Variants in SYCP3 observed in about 807,000 individuals in gnomAD.
SYCP3 encodes synaptonemal complex protein 3.
SYCP3 carries 29 observed loss-of-function variants against 38.5 expected under a neutral mutation model. The ratio of observed to expected loss-of-function variants is 0.75; its 90% CI spans 0.56 to 1.03. The LOEUF is 1.03. Among genes scored for constraint, SYCP3 ranks in the 50% least tolerant of loss-of-function variants. The probability of loss-of-function intolerance (pLI) is 0.00; values close to 1 mark genes in which losing one functional copy is unlikely to be tolerated. For synonymous variants in SYCP3, 79 were observed against 80.3 expected (o/e 0.98, Z 0.08); for missense variants, 242 against 270.7 (o/e 0.89, Z 0.74).
At position 101,733,568 on chromosome 12, in the gene SYCP3, T is replaced by C; in HGVS notation, c.453+7A>G. The stretch of plus-strand genomic sequence containing the variant: ...TGGTTGATTATAAACCTAATCATGA[T>C]ACCAACAAGTATTTTTTCTTCTTGT... On this transcript the variant is annotated splice_region_variant and intron_variant, in intron 6 of 8. Transcript: ENST00000392924. 1 of 1,609,670 alleles carries C rather than the reference T, an allele frequency of 6.2e-7. No individual in the cohort carries two copies. The highest frequency in any genetic ancestry group is 8.5e-7 in the Non-Finnish European group (1 of 1,177,794).
At chr12:101,733,007 C>T (rs1052545173) in intron 6 of SYCP3, 1 of 152,494 alleles carries the variant, frequency 6.6e-6, no homozygotes, top group Admixed American at 6.5e-5. Context: ...TGGTTGAATA[C>T]ACAGATGCGG....
At chr12:101,730,000 T>C (rs1952112797) in intron 7 of SYCP3, among the ~76,000 whole-genome samples, 1 of 152,102 alleles carries the variant, frequency 6.6e-6, no homozygotes, top group Non-Finnish European at 1.5e-5. Context: ...TGAACAAATG[T>C]AGTAAATGAA....
chr12:101,735,873 T>TATA (rs1490101889), intron 4 of SYCP3, among the ~76,000 whole-genome samples: 2 of 59,128 alleles, frequency 3.4e-5, no homozygotes, highest in African/African-American at 8.2e-5. Context: ...ATATATATAT[T>TATA]TTTTTTTTTT....
In SYCP3 at chr12:101,729,218, A is replaced by ATTT. The variant is rs1291569800; in HGVS notation, c.553-6_553-5insAAA. 5 of 1,612,498 alleles carry ATTT rather than the reference A, an allele frequency of 3.1e-6. No homozygotes were observed. The South Asian group carries it at 5.5e-5, about 18-fold the overall frequency. The stretch of plus-strand genomic sequence containing the variant: ...CTTCTCCAACTCTTCCATACTCTAA[A>ATTT]AACACAAAAGACAAGTTAAGTTACA... On this transcript the variant is annotated splice_polypyrimidine_tract_variant and splice_region_variant and intron_variant, in intron 7 of 8. Transcript: ENST00000392924.
In SYCP3 at chr12:101,735,053, A is replaced by G; in HGVS notation, c.236-9T>C. ...AGCCTTGTTAATGTCAACTAGATTG[A>G]AAATAAAAATTCATTAAAATTTAAT... is the stretch of plus-strand genomic sequence containing the variant. On this transcript the variant is annotated splice_polypyrimidine_tract_variant and intron_variant, in intron 4 of 8. Transcript: ENST00000392924. The G allele has an allele frequency of 1.3e-6, 2 of 1,542,648 alleles. No individual in the cohort carries two copies. The highest frequency in any genetic ancestry group is 1.1e-5 in the South Asian group (1 of 88,706).
rs1237691411 is a variant in SYCP3, at chr12:101,737,863, A to G, written c.73T>C (p.Tyr25His). The part of the protein sequence containing the change: ...PSVEDQFTRA[Y>H]DFETEDKKDL... ...TTCTTATCTTCAGTCTCAAAGTCAT[A>G]GGCTCTCGTAAACTGATCTTCCACA... Residue 25 changes from tyrosine (Y) to histidine (H), a missense_variant, in exon 2 of 9, where the codon TAT becomes CAT. By Grantham distance (83) the Tyr-to-His change is moderately conservative. Transcript: ENST00000392924. The G allele has an allele frequency of 2.4e-5, 38 of 1,614,086 alleles. No individual in the cohort carries two copies. Among genetic ancestry groups the G allele is most frequent in the Non-Finnish European group, 3.1e-5 (36 of 1,180,048 alleles).
At chr12:101,733,411 T>C (rs923461742) in intron 6 of SYCP3, 164 bp downstream of exon 6, 3 of 611,016 alleles carry the variant, frequency 4.9e-6, no homozygotes, top group East Asian at 2.7e-5. Flanking sequence ...TTTATGAGTA[T>C]GGTATGTGCC....
At chr12:101,730,458 G>A (rs971582451) in intron 7 of SYCP3, 7 of 417,484 alleles carry the variant, frequency 1.7e-5, no homozygotes, top group Non-Finnish European at 2.8e-5. Context: ...TTTCCACTTG[G>A]AAATACTTTT....
chr12:101,730,734 C>A (rs1055223923), intron 7 of SYCP3: 2 of 195,604 alleles, frequency 1.0e-5, no homozygotes, highest in Non-Finnish European at 2.1e-5. Context: ...AAACCCTGGG[C>A]TCGAGTGATC....
At chr12:101,729,344 TC>T in intron 7 of SYCP3, 131 bp from the exon 8 acceptor site, 1 of 916,620 alleles carries the variant, frequency 1.1e-6, no homozygotes, top group Admixed American at 2.8e-5. Flanking sequence ...ATAAAAATAT[TC>T]TAAGTAATAC....
At chr12:101,739,087 C>A (rs1020564985) in intron 1 of SYCP3, among the ~76,000 whole-genome samples, 1 of 152,202 alleles carries the variant, frequency 6.6e-6, no homozygotes, top group African/African-American at 2.4e-5. Context: ...GAGGGAGACG[C>A]GCGGAGCGAG....
intron 6 of SYCP3, 127 bp from the exon 7 acceptor site, chr12:101,731,793 C>A: frequency 1.6e-6 from 1 of 621,234 alleles, no homozygotes; most frequent in Non-Finnish European, 2.7e-6. Context: ...ATTTTAACAA[C>A]TATTATGACC....
chr12:101,728,831 AC>A lies in SYCP3; in HGVS notation c.*95del. 6.4e-7 allele frequency: 1 copy of A among 1,553,108 alleles called. No individual in the cohort carries two copies. The highest frequency in any genetic ancestry group is 8.8e-7 in the Non-Finnish European group (1 of 1,132,780). On this transcript the variant is annotated 3_prime_UTR_variant, in exon 9 of 9. Transcript: ENST00000392924. Reference sequence around the variant, plus strand: ...AAACAGGTTTATGATTAAAGATGTTACAATTAAACTATTCTAAAGACTTACA... The same window carrying A: ...AAACAGGTTTATGATTAAAGATGTTAAATTAAACTATTCTAAAGACTTACA...
chr12:101,738,442 C>A (rs1456723932), intron 1 of SYCP3, among the ~76,000 whole-genome samples: 2 of 145,086 alleles, frequency 1.4e-5, no homozygotes, highest in African/African-American at 5.1e-5. Flanking sequence ...AAAAAAAAAA[C>A]AACAACAGAA....
Position 101,733,646 on chromosome 12 carries a change from G to A in SYCP3, c.382C>T (p.Gln128Ter). ...RQKLNQEYSQ[Q>*]FLTLFQQWDL... ...CACTGCTGAAACAAAGTCAGAAACT[G>A]CTGAGAATATTCTTGGTTAAGCTTC... Residue 128 changes from glutamine (Q) to a stop codon, truncating the protein, a stop_gained, in exon 6 of 9, where the codon CAG becomes TAG. Transcript: ENST00000392924. LOFTEE classifies it high-confidence loss of function. The A allele has an allele frequency of 6.2e-7, 1 of 1,611,650 alleles. No individual in the cohort carries two copies.
rs1448330127 is a variant in SYCP3 at position 101,737,165 on chromosome 12, ATTAT to A, written c.200+63_200+66del. 3 of 1,603,130 alleles carry A rather than the reference ATTAT, an allele frequency of 1.9e-6. No individual in the cohort carries two copies. The African/African-American group carries it at 4.0e-5, about 21-fold the overall frequency. On this transcript the variant is annotated intron_variant, in intron 3 of 8. Coordinates refer to ENST00000392924, the MANE Select transcript of SYCP3 (RefSeq NM_001177949.2). ...ACCAGATGCCAAGTATTTTACATAT[ATTAT>A]TTGTTAGCAACTTTTCTTGAAGTGC... is the stretch of plus-strand genomic sequence containing the variant.
At chr12:101,737,319 A>G in intron 2 of SYCP3, 21 bp from the exon 3 acceptor site, 1 of 1,577,964 alleles carries the variant, frequency 6.3e-7, no homozygotes, top group Non-Finnish European at 8.6e-7. Flanking sequence ...AATTAAAAAA[A>G]AAAAAAAAAA....
intron 1 of SYCP3, 102 bp from the exon 2 acceptor site, chr12:101,738,054 G>C: frequency 4.4e-6 from 6 of 1,352,548 alleles, no homozygotes; most frequent in Non-Finnish European, 5.2e-6. Context: ...AAGGATTGTT[G>C]AATACAATTT....
chr12:101,736,278 C>T (rs544285488), intron 4 of SYCP3, among the ~76,000 whole-genome samples: 3 of 152,092 alleles, frequency 2.0e-5, no homozygotes, highest in East Asian at 1.9e-4. Context: ...AGGTATCTTT[C>T]AGTAATCATG....
Sources: gnomAD v4.1 joint callset for allele counts (sites outside exome capture counted in the v4.1 genomes callset) on GRCh38, gnomAD v4.1.1 for gene constraint, MANE v1.5 for transcripts, NCBI Gene and HGNC (gene_info 2026-07-23, HGNC 2026-07-21) for gene names.